Variants in COQ8A observed in about 807,000 individuals in gnomAD.
COQ8A encodes coenzyme Q8A, also known as atypical kinase COQ8A, mitochondrial.
COQ8A carries 51 observed loss-of-function variants against 65.0 expected under a neutral mutation model. The observed-to-expected ratio is 0.78, with a 90% CI of 0.63 to 0.99. COQ8A has a LOEUF of 0.99. Among genes scored for constraint, COQ8A ranks in the 50% least tolerant of loss-of-function variants. The probability of loss-of-function intolerance (pLI) is 0.00; values close to 1 mark genes in which losing one functional copy is unlikely to be tolerated. For synonymous variants in COQ8A, 371 were observed against 353.2 expected (o/e 1.05, Z -0.57); for missense variants, 940 against 875.0 (o/e 1.07, Z -0.94).
chr1:226,941,454 G>C (rs778495317), intron 1 of COQ8A, among the ~76,000 whole-genome samples: 10 of 152,164 alleles, frequency 6.6e-5, no homozygotes, highest in African/African-American at 9.7e-5. Context: ...CAAAAGGGGA[G>C]CTACAGGAGC....
In COQ8A at chr1:226,983,783, C is replaced by T. The variant is rs17849927; in HGVS notation, c.1185C>T (p.Ile395=). Residue 395 remains isoleucine, a synonymous_variant, in exon 10 of 15, where the codon ATC becomes ATT. Transcript: ENST00000366777. ...LPEGLFPEHL[I]DVLRRELALE... is the part of the protein sequence containing the mutation. ...CAGGCCTGTTCCCCGAGCACCTGATCGACGTGCTGAGGCGGGAGCTGGCCC... is the reference window on the plus strand; with the variant it reads ...CAGGCCTGTTCCCCGAGCACCTGATTGACGTGCTGAGGCGGGAGCTGGCCC... 13,085 of 1,613,048 alleles carry T rather than the reference C, an allele frequency of 8.1e-3. 67 individuals are homozygous for T. Among genetic ancestry groups the T allele is most frequent in the Non-Finnish European group, 9.9e-3 (11,697 of 1,179,982 alleles).
At chr1:226,982,628 C>T (rs372949953) in intron 6 of COQ8A, 50 bp from the exon 7 acceptor site, 214 of 1,592,524 alleles carry the variant, frequency 1.3e-4, no homozygotes, top group South Asian at 8.2e-4. Flanking sequence ...AGGTCCTGGG[C>T]GCACACTTTA....
At chr1:226,971,382 C>G (rs951135387) in intron 4 of COQ8A, among the ~76,000 whole-genome samples, 15 of 152,172 alleles carry the variant, frequency 9.9e-5, no homozygotes, top group Admixed American at 1.3e-4. Flanking sequence ...GAAACCCCAT[C>G]TCTACTAAAA....
intron 12 of COQ8A, 24 bp downstream of exon 12, chr1:226,984,679 C>T (rs750939576): frequency 1.0e-5 from 16 of 1,600,412 alleles, no homozygotes; most frequent in East Asian, 4.5e-5. Flanking sequence ...TGGGGGCACC[C>T]GCAGCCAGGC....
chr1:226,982,622 C>G, intron 6 of COQ8A, 56 bp from the exon 7 acceptor site: 1 of 1,585,124 alleles, frequency 6.3e-7, no homozygotes, highest in Non-Finnish European at 8.6e-7. Flanking sequence ...CCGCCCAGGT[C>G]CTGGGCGCAC....
At chr1:226,966,751 C>G (rs190450925) in intron 4 of COQ8A, among the ~76,000 whole-genome samples, 2 of 152,122 alleles carry the variant, frequency 1.3e-5, no homozygotes, top group East Asian at 3.9e-4. Context: ...GCTGTTCCTC[C>G]GCTCCTGCCT....
chr1:226,986,952 G>C lies in COQ8A; in HGVS notation c.*215G>C. The C allele has an allele frequency of 3.2e-6, 2 of 618,070 alleles. No homozygotes were observed. Among genetic ancestry groups the C allele is most frequent in the Admixed American group, 2.9e-5 (1 of 34,784 alleles). The allele number at this position is 618,070 out of a possible 1,614,324, so 38.3% of individuals were successfully genotyped here. A position where few individuals can be genotyped will look rare whatever the true frequency, so the allele number is the denominator to read the frequency against. On this transcript the variant is annotated 3_prime_UTR_variant, in exon 15 of 15. Coordinates refer to ENST00000366777, the MANE Select transcript of COQ8A (RefSeq NM_020247.5). ...GAATGAAGATGAAGCCCCACTGCTC[G>C]GTCAGTCTGCCTCCGTGTGTCCTCT...
Position 226,946,736 on chromosome 1 carries a change from T to C in COQ8A, c.-10+6337T>C, listed in dbSNP as rs1657067597. 6.6e-6 allele frequency among the ~76,000 whole-genome samples: 1 copy of C among 152,226 alleles called. No homozygotes were observed. The highest frequency in any genetic ancestry group is 2.1e-4 in the South Asian group (1 of 4,836). On this transcript the variant is annotated intron_variant, in intron 1 of 14. Coordinates refer to ENST00000366777, the MANE Select transcript of COQ8A (RefSeq NM_020247.5). This position sits in a 1 kb window ranked among gnomAD's most constrained non-coding sequence, Gnocchi z 5.3. Reference sequence around the variant, plus strand: ...GTGTGTGACCTCAGGGCAGAACATGTTTATTTAACTTCCATACCAGTGATG... The same window carrying C: ...GTGTGTGACCTCAGGGCAGAACATGCTTATTTAACTTCCATACCAGTGATG...
intron 1 of COQ8A, among the ~76,000 whole-genome samples, chr1:226,960,596 T>C (rs897913467): frequency 9.5e-5 from 13 of 136,400 alleles, no homozygotes; most frequent in Non-Finnish European, 1.6e-4. Context: ...GTGGTGGTGG[T>C]GGCGGCAGTG....
chr1:226,951,442 T>A (rs2482450), intron 1 of COQ8A, among the ~76,000 whole-genome samples: 1 of 151,944 alleles, frequency 6.6e-6, no homozygotes, highest in East Asian at 1.9e-4. Flanking sequence ...TCATGAGCAG[T>A]ACTTAGGGGC....
intron 1 of COQ8A, among the ~76,000 whole-genome samples, chr1:226,944,750 TGA>T (rs1395125342): frequency 2.0e-4 from 5 of 24,666 alleles, no homozygotes; most frequent in Admixed American, 5.6e-4. Flanking sequence ...AGAGAGAGAG[TGA>T]GAGAGAGAGA....
intron 9 of COQ8A, 39 bp from the exon 10 acceptor site, chr1:226,983,722 G>A (rs778122187): frequency 6.2e-7 from 1 of 1,612,818 alleles, no homozygotes; most frequent in Admixed American, 1.7e-5. Context: ...CCTCCCTGCA[G>A]AGCCCCCTTC....
intron 1 of COQ8A, among the ~76,000 whole-genome samples, chr1:226,960,224 A>ATGGTACTTGGTGGTGG (rs1658079356): frequency 2.2e-5 from 1 of 45,446 alleles, no homozygotes; most frequent in African/African-American, 8.9e-5. Flanking sequence ...GGTGGTGGTG[A>ATGGTACTTGGTGGTGG]TGGTACTTGG....
Position 226,949,316 on chromosome 1 carries a change from C to T in COQ8A, c.-10+8917C>T, listed in dbSNP as rs1036761614. Among the ~76,000 whole-genome samples the T allele has an allele frequency of 2.0e-5, 3 of 151,942 alleles. No homozygotes were observed. The highest frequency in any genetic ancestry group is 4.4e-5 in the Non-Finnish European group (3 of 67,980). Reference sequence around the variant, plus strand: ...AGGTAGAGGAGCCATTTGAGCAACGCGTTGGCATGATGAACGTGGGTTTTT... The same window carrying T: ...AGGTAGAGGAGCCATTTGAGCAACGTGTTGGCATGATGAACGTGGGTTTTT... On this transcript the variant is annotated intron_variant, in intron 1 of 14. Transcript: ENST00000366777. The surrounding 1 kb of genome is among the most constrained non-coding windows in gnomAD (Gnocchi z 4.0).
intron 1 of COQ8A, among the ~76,000 whole-genome samples, chr1:226,947,170 A>G (rs910129682): frequency 1.1e-4 from 17 of 152,182 alleles, no homozygotes; most frequent in Non-Finnish European, 2.5e-4. Context: ...TTGAGTGACT[A>G]TTGATTTAAC....
At chr1:226,984,846 C>G in intron 12 of COQ8A, 30 bp from the exon 13 acceptor site, 1 of 1,612,766 alleles carries the variant, frequency 6.2e-7, no homozygotes, top group Non-Finnish European at 8.5e-7. Flanking sequence ...AGCACCAGGG[C>G]CAAACTTCTC....
intron 6 of COQ8A, chr1:226,982,370 G>C (rs1659751709): frequency 1.4e-6 from 1 of 689,918 alleles, no homozygotes; most frequent in African/African-American, 1.8e-5. Flanking sequence ...CTCTCTACAG[G>C]TGGTCAGAAC....
intron 1 of COQ8A, among the ~76,000 whole-genome samples, chr1:226,960,564 TTGGTGG>T (rs767494324): frequency 3.6e-5 from 5 of 140,382 alleles, no homozygotes; most frequent in East Asian, 2.1e-4. Context: ...TCAATGGTAC[TTGGTGG>T]TGGTGGTGGT....
intron 6 of COQ8A, chr1:226,982,447 G>A (rs1338593465): frequency 3.1e-6 from 2 of 647,898 alleles, no homozygotes; most frequent in Non-Finnish European, 5.3e-6. Context: ...GAAAAACTCT[G>A]CATGTTGAGT....
Sources: allele counts gnomAD v4.1 joint callset (sites outside exome capture counted in the v4.1 genomes callset), GRCh38; gene constraint gnomAD v4.1.1; non-coding constraint Gnocchi (gnomAD v3.1); transcripts MANE v1.5; gene names NCBI Gene and HGNC (gene_info 2026-07-23, HGNC 2026-07-21).